Variants in PRUNE2 observed in about 807,000 individuals in gnomAD.
PRUNE2 encodes the protein prune homolog 2 with BCH domain, also known as protein prune homolog 2.
A neutral mutation model predicts 252.0 loss-of-function variants in PRUNE2; 164 were observed. The ratio of observed to expected loss-of-function variants is 0.65; its 90% confidence interval spans 0.57 to 0.74. The LOEUF (loss-of-function observed/expected upper bound fraction) is 0.74. Among genes scored for constraint, PRUNE2 ranks in the 30% least tolerant of loss-of-function variants. The pLI, the probability that PRUNE2 is intolerant of heterozygous loss-of-function variation, is 0.00. For synonymous variants in PRUNE2, 1,292 were observed against 1,350.2 expected (o/e 0.96, Z 0.94); for missense variants, 3,495 against 3,711.0 (o/e 0.94, Z 1.51).
intron 9 of PRUNE2, among the ~76,000 whole-genome samples, chr9:76,674,201 G>A (rs2042073100): frequency 6.6e-6 from 1 of 152,038 alleles, no homozygotes; most frequent in Non-Finnish European, 1.5e-5. Flanking sequence ...AGCAACTTCA[G>A]CAAAGTCTCA....
chr9:76,877,919 C>G (rs563077451), intron 1 of PRUNE2, among the ~76,000 whole-genome samples: 1 of 152,312 alleles, frequency 6.6e-6, no homozygotes, highest in South Asian at 2.1e-4. Context: ...CACCATGACC[C>G]TAAGCGGTAG....
At chr9:76,905,775 G>A (rs906386141) in intron 1 of PRUNE2, among the ~76,000 whole-genome samples, 153 bp downstream of exon 1, 1 of 152,152 alleles carries the variant, frequency 6.6e-6, no homozygotes, top group Non-Finnish European at 1.5e-5. Flanking sequence ...AAGAGCCAGA[G>A]TTCCTGAGAT....
intron 6 of PRUNE2, among the ~76,000 whole-genome samples, chr9:76,805,078 C>G (rs753902605): frequency 3.3e-5 from 5 of 152,192 alleles, no homozygotes; most frequent in African/African-American, 4.8e-5. Flanking sequence ...GTCTCAGCCC[C>G]CAAAGTTCTC....
intron 18 of PRUNE2, among the ~76,000 whole-genome samples, chr9:76,616,529 A>G (rs772406891): frequency 6.6e-6 from 1 of 152,190 alleles, no homozygotes; most frequent in Non-Finnish European, 1.5e-5. Flanking sequence ...TTGTTTCACC[A>G]TCGGGCCCCT....
intron 6 of PRUNE2, among the ~76,000 whole-genome samples, chr9:76,815,434 C>T (rs1436391080): frequency 6.6e-6 from 1 of 152,148 alleles, no homozygotes; most frequent in Admixed American, 6.5e-5. Flanking sequence ...GAGCCTGTTC[C>T]TCATAAATGG....
At chr9:76,728,821 G>A (rs1056036107) in intron 6 of PRUNE2, among the ~76,000 whole-genome samples, 1 of 152,030 alleles carries the variant, frequency 6.6e-6, no homozygotes, top group Admixed American at 6.6e-5. Context: ...CTTTCCTCTG[G>A]AAAATGAGTA....
rs540112073 is a variant in PRUNE2, at chr9:76,859,873, T to C, written c.37-5665A>G. 1.8e-4 allele frequency among the ~76,000 whole-genome samples: 28 copies of C among 152,216 alleles called. No individual in the cohort carries two copies. The East Asian group carries it at 3.3e-3, about 18-fold the overall frequency. On this transcript the variant is annotated intron_variant, in intron 1 of 18. Transcript: ENST00000376718. Reference sequence around the variant, plus strand: ...GCCCGCCACCATGCCCAGCTAATTTTTCTTTTTAGTAGAGATGGGGTTTCA... The same window carrying C: ...GCCCGCCACCATGCCCAGCTAATTTCTCTTTTTAGTAGAGATGGGGTTTCA...
rs368889862 is a variant in PRUNE2 at position 76,708,954 on chromosome 9, G to A, written c.3320C>T (p.Thr1107Met). The change falls in exon 8 of 19, where the codon ACG (threonine) becomes ATG (methionine). Residue 1107 changes from threonine (T) to methionine (M), a missense_variant. Coordinates refer to ENST00000376718, the MANE Select transcript of PRUNE2 (RefSeq NM_015225.3). ...LLHSSTNSRQ[T>M]APDSLDLWNR... ...CCACAAGTCGAGACTGTCAGGGGCC[G>A]TCTGCCGGGAGTTGGTGCTGCTGTG... The A allele has an allele frequency of 1.3e-5, 21 of 1,613,864 alleles. No homozygotes were observed. In the East Asian group the frequency reaches 1.8e-4, roughly 14 times the overall value.
At chr9:76,645,678 A>G (rs894307400) in intron 11 of PRUNE2, among the ~76,000 whole-genome samples, 2 of 152,232 alleles carry the variant, frequency 1.3e-5, no homozygotes, top group Non-Finnish European at 2.9e-5. Context: ...TTAAAAAAAT[A>G]AGCAGCAATT....
chr9:76,830,743 T>C (rs368796809), intron 4 of PRUNE2, among the ~76,000 whole-genome samples: 4 of 150,320 alleles, frequency 2.7e-5, no homozygotes, highest in African/African-American at 4.9e-5. Context: ...AGGTGCCTGA[T>C]AGTAAAACTG....
At chr9:76,784,768 C>T (rs1194228313) in intron 6 of PRUNE2, 5 of 152,286 alleles carry the variant, frequency 3.3e-5, no homozygotes, top group Non-Finnish European at 7.3e-5. Flanking sequence ...CAGGGTTATA[C>T]TTACTAGCAC....
chr9:76,858,343 A>G (rs1004851607), intron 1 of PRUNE2, among the ~76,000 whole-genome samples: 4 of 152,206 alleles, frequency 2.6e-5, no homozygotes, highest in Non-Finnish European at 2.9e-5. Context: ...GGTGAGGTTC[A>G]TTAGAAAGTG....
intron 6 of PRUNE2, among the ~76,000 whole-genome samples, chr9:76,726,914 C>G (rs1028178529): frequency 6.6e-6 from 1 of 152,156 alleles, no homozygotes; most frequent in African/African-American, 2.4e-5. Flanking sequence ...TCTGGTGGAA[C>G]AAGAGTAGTA....
intron 6 of PRUNE2, among the ~76,000 whole-genome samples, chr9:76,808,016 A>T (rs1224231660): frequency 6.6e-6 from 1 of 152,068 alleles, no homozygotes; most frequent in Non-Finnish European, 1.5e-5. Context: ...CGTCTCTACT[A>T]AAAATACAAA....
chr9:76,800,692 A>G (rs1051449444), intron 6 of PRUNE2, among the ~76,000 whole-genome samples: 5 of 152,120 alleles, frequency 3.3e-5, no homozygotes, highest in Non-Finnish European at 5.9e-5. Flanking sequence ...ACTCCTCTGG[A>G]TATAGAATTC....
rs540799913 is a variant in PRUNE2, at chr9:76,824,394, A to G, written c.662-668T>C. 2.6e-5 allele frequency among the ~76,000 whole-genome samples: 4 copies of G among 152,306 alleles called. No individual in the cohort carries two copies. In the East Asian group the frequency reaches 5.8e-4, roughly 22 times the overall value. ...TCAGGCTGCATTTAGGTAAGCCCCC[A>G]TGTTTTCTAGTATAATTTCATTCAA... On this transcript the variant is annotated intron_variant, in intron 5 of 18. Transcript: ENST00000376718.
At chr9:76,765,079 G>A (rs1051154832) in intron 6 of PRUNE2, among the ~76,000 whole-genome samples, 4 of 152,134 alleles carry the variant, frequency 2.6e-5, no homozygotes, top group African/African-American at 9.7e-5. Flanking sequence ...AGAGATATAC[G>A]TTTTGAGTTC....
intron 6 of PRUNE2, among the ~76,000 whole-genome samples, chr9:76,775,424 G>A (rs568661945): frequency 1.1e-4 from 17 of 152,178 alleles, no homozygotes; most frequent in Middle Eastern, 6.8e-3. Context: ...AGCCTCCAGA[G>A]TAGCTGGGAC....
At chr9:76,845,650 G>A (rs1160662730) in intron 4 of PRUNE2, among the ~76,000 whole-genome samples, 1 of 152,198 alleles carries the variant, frequency 6.6e-6, no homozygotes, top group African/African-American at 2.4e-5. Context: ...CCTTAAAAGA[G>A]TTGAGTCAAC....
Sources: allele counts gnomAD v4.1 joint callset (sites outside exome capture counted in the v4.1 genomes callset), GRCh38; gene constraint gnomAD v4.1.1; transcripts MANE v1.5; gene names NCBI Gene and HGNC (gene_info 2026-07-23, HGNC 2026-07-21).